Variants in KDM4A observed in about 807,000 individuals in gnomAD.
KDM4A encodes lysine-specific demethylase 4A.
In KDM4A, 23 loss-of-function variants were observed where a neutral mutation model predicts 127.1. That is an observed-to-expected ratio of 0.18 (90% confidence interval 0.13 to 0.26). The LOEUF (loss-of-function observed/expected upper bound fraction) is 0.26, where lower values mean the gene tolerates loss of function less well. KDM4A is among the 10% of genes least tolerant of loss of function. The pLI, the probability that KDM4A is intolerant of heterozygous loss-of-function variation, is 1.00. For synonymous variants in KDM4A, 443 were observed against 466.5 expected, an observed-to-expected ratio of 0.95 and a Z score of 0.65; for missense variants, 890 against 1,329.1, an observed-to-expected ratio of 0.67 and a Z score of 5.14.
At chr1:43,662,474 G>T (rs144610335) in intron 4 of KDM4A, among the ~76,000 whole-genome samples, 2 of 152,138 alleles carry the variant, frequency 1.3e-5, no homozygotes, top group African/African-American at 2.4e-5. Context: ...TGGGCATGGT[G>T]GTGGGTGCCT....
At chr1:43,699,634 TAATC>T (rs1024813273) in intron 19 of KDM4A, 14 of 152,240 alleles carry the variant, frequency 9.2e-5, no homozygotes, top group African/African-American at 3.1e-4. Flanking sequence ...TGATTTAAAA[TAATC>T]AATTTTTTTA....
At chr1:43,670,959 C>G (rs1660604895) in intron 10 of KDM4A, among the ~76,000 whole-genome samples, 1 of 152,188 alleles carries the variant, frequency 6.6e-6, no homozygotes, top group Non-Finnish European at 1.5e-5. Context: ...CCCATCTTGG[C>G]CTCCCAAAGT....
chr1:43,684,733 A>C (rs1040885757), intron 12 of KDM4A, among the ~76,000 whole-genome samples: 3 of 152,226 alleles, frequency 2.0e-5, no homozygotes, highest in Non-Finnish European at 4.4e-5. Context: ...AGCCAGTGAC[A>C]TGTTTTAAGC....
At chr1:43,656,180 T>C (rs575118606) in intron 3 of KDM4A, among the ~76,000 whole-genome samples, 1 of 152,326 alleles carries the variant, frequency 6.6e-6, no homozygotes, top group Admixed American at 6.5e-5. Flanking sequence ...TCCAGCCTGC[T>C]AGCTCATTTC....
chr1:43,651,573 C>T (rs575757389), intron 1 of KDM4A, among the ~76,000 whole-genome samples: 1 of 152,274 alleles, frequency 6.6e-6, no homozygotes, highest in South Asian at 2.1e-4. Flanking sequence ...CGCTTTTCTC[C>T]TTTCTGAGCT....
intron 8 of KDM4A, 89 bp downstream of exon 8, chr1:43,667,180 T>G: frequency 7.0e-7 from 1 of 1,430,478 alleles, no homozygotes; most frequent in Non-Finnish European, 9.7e-7. Flanking sequence ...GAGTATTTCT[T>G]TGAGCTGCTG....
At position 43,690,993 on chromosome 1, in the gene KDM4A, A is replaced by G; in HGVS notation, c.2186A>G (p.Glu729Gly). The G allele has an allele frequency of 6.2e-7, 1 of 1,614,222 alleles. No homozygotes were observed. Among genetic ancestry groups the G allele is most frequent in the Non-Finnish European group, 8.5e-7 (1 of 1,180,042 alleles). The change falls in exon 14 of 22, where the codon GAG becomes GGG. Residue 729 changes from glutamate (E) to glycine (G), a missense_variant. By Grantham distance (98) the Glu-to-Gly change is moderately conservative. Coordinates refer to ENST00000372396, the MANE Select transcript of KDM4A (RefSeq NM_014663.3). ...AACCTTTCTACTCCTTATCTTGAGG[A>G]GGATGGCACCAGCATACTCGTTTCC... ...DINLSTPYLE[E>G]DGTSILVSCK... is the part of the protein sequence containing the mutation.
At chr1:43,699,212 C>T (rs1410104077) in intron 19 of KDM4A, among the ~76,000 whole-genome samples, 2 of 151,814 alleles carry the variant, frequency 1.3e-5, no homozygotes, top group African/African-American at 4.8e-5. Flanking sequence ...CCTCCTGCTT[C>T]AGCTTCCCAG....
chr1:43,683,920 C>T, intron 12 of KDM4A, 116 bp downstream of exon 12: 1 of 1,129,698 alleles, frequency 8.9e-7, no homozygotes, highest in East Asian at 2.5e-5. Flanking sequence ...CTTAGCTGCT[C>T]TTCCAGATAT....
At chr1:43,681,268 G>A (rs1660851144) in intron 11 of KDM4A, among the ~76,000 whole-genome samples, 1 of 151,996 alleles carries the variant, frequency 6.6e-6, no homozygotes, top group African/African-American at 2.4e-5. Flanking sequence ...TTCTCTTTCT[G>A]GTATTCCTCT....
chr1:43,700,806 T>A (rs779548909), intron 19 of KDM4A, among the ~76,000 whole-genome samples: 14 of 151,980 alleles, frequency 9.2e-5, no homozygotes, highest in Non-Finnish European at 1.6e-4. Context: ...ATTGGTCTCT[T>A]CTGAATGGAT....
Position 43,703,608 on chromosome 1 carries a change from T to C in KDM4A, c.2842-9T>C. 1 of 1,613,786 alleles carries C rather than the reference T, an allele frequency of 6.2e-7. No homozygotes were observed. The highest frequency in any genetic ancestry group is 8.5e-7 in the Non-Finnish European group (1 of 1,179,846). On this transcript the variant is annotated splice_polypyrimidine_tract_variant and intron_variant, in intron 19 of 21. Coordinates refer to ENST00000372396, the MANE Select transcript of KDM4A (RefSeq NM_014663.3). Reference sequence around the variant, plus strand: ...TTCCTTTCACCCTCCTTCCTTCCTGTTTCCTCAGAGCCAGGACTGTCTCCA... The same window carrying C: ...TTCCTTTCACCCTCCTTCCTTCCTGCTTCCTCAGAGCCAGGACTGTCTCCA...
intron 12 of KDM4A, among the ~76,000 whole-genome samples, chr1:43,686,930 A>G (rs1660996399): frequency 1.3e-5 from 2 of 152,170 alleles, no homozygotes; most frequent in Non-Finnish European, 2.9e-5. Context: ...CGTAGTGAAC[A>G]TTTTCCCTCA....
intron 3 of KDM4A, among the ~76,000 whole-genome samples, chr1:43,656,669 T>C (rs1445504578): frequency 6.6e-6 from 1 of 151,842 alleles, no homozygotes; most frequent in Non-Finnish European, 1.5e-5. Flanking sequence ...TTAGTTCTCA[T>C]TTTTCCTGAG....
chr1:43,700,380 G>T (rs1041274801), intron 19 of KDM4A, among the ~76,000 whole-genome samples: 3 of 151,998 alleles, frequency 2.0e-5, no homozygotes, highest in Non-Finnish European at 4.4e-5. Context: ...GCCTACCTCG[G>T]CCTCCCAAAG....
intron 19 of KDM4A, chr1:43,703,385 T>G: frequency 2.4e-6 from 1 of 418,944 alleles, no homozygotes; most frequent in Non-Finnish European, 4.3e-6. Context: ...CTAAGTTTGT[T>G]ATAGCTGGAT....
chr1:43,690,999 G>C lies in KDM4A; in HGVS notation c.2192G>C (p.Gly731Ala). Residue 731 changes from glycine (G) to alanine (A), a missense_variant, in exon 14 of 22, where the codon GGC becomes GCC. Coordinates refer to ENST00000372396, the MANE Select transcript of KDM4A (RefSeq NM_014663.3). ...TCTACTCCTTATCTTGAGGAGGATG[G>C]CACCAGCATACTCGTTTCCTGCAAG... ...NLSTPYLEEDGTSILVSCKKC... is the reference protein window; with the variant it reads ...NLSTPYLEEDATSILVSCKKC... The C allele has an allele frequency of 2.5e-6, 4 of 1,614,188 alleles. No individual in the cohort carries two copies. The highest frequency in any genetic ancestry group is 3.4e-6 in the Non-Finnish European group (4 of 1,180,036).
chr1:43,686,160 T>G (rs1432677368), intron 12 of KDM4A, among the ~76,000 whole-genome samples: 2 of 143,450 alleles, frequency 1.4e-5, no homozygotes, highest in East Asian at 4.0e-4. Context: ...TGTTTTTTTT[T>G]TTTTTTTTTT....
intron 11 of KDM4A, 64 bp downstream of exon 11, chr1:43,671,939 G>T (rs1660629200): frequency 2.0e-6 from 3 of 1,493,620 alleles, no homozygotes; most frequent in Admixed American, 2.3e-5. Flanking sequence ...GTCGGGAGGG[G>T]ATCTGTGTGG....
Sources: allele counts gnomAD v4.1 joint callset (sites outside exome capture counted in the v4.1 genomes callset), GRCh38; gene constraint gnomAD v4.1.1; transcripts MANE v1.5; gene names NCBI Gene and HGNC (gene_info 2026-07-23, HGNC 2026-07-21).